The following FAM107A variants were observed in gnomAD, a reference collection of about 807,000 sequenced individuals.
FAM107A encodes family with sequence similarity 107 member A, also known as actin-associated protein FAM107A.
A neutral mutation model predicts 13.7 loss-of-function variants in FAM107A; 19 were observed. The observed-to-expected ratio is 1.38, with a 90% CI of 0.97 to 2.03. FAM107A has a LOEUF of 2.03. Ranked by LOEUF, FAM107A falls within the 30% of genes most tolerant of loss-of-function variation. The pLI is 0.00. For synonymous variants in FAM107A, 82 were observed against 74.5 expected (o/e 1.10, Z -0.52); for missense variants, 203 against 184.4 (o/e 1.10, Z -0.58).
At chr3:58,578,206 G>A (rs1276126513), upstream of FAM107A, among the ~76,000 whole-genome samples, 1 of 152,208 alleles carries the variant, frequency 6.6e-6, no homozygotes, top group African/African-American at 2.4e-5. Flanking sequence ...AGCCCAGCAT[G>A]GTGCATTTTG....
upstream of FAM107A, among the ~76,000 whole-genome samples, chr3:58,582,302 C>T (rs116215494): frequency 4.9e-3 from 746 of 152,242 alleles, 2 homozygotes; most frequent in Non-Finnish European, 9.2e-3. Context: ...ATCTGGCAGC[C>T]CTACCTGGCA....
At chr3:58,611,173 C>A (rs967046546) in intron 1 of FAM107A, among the ~76,000 whole-genome samples, 8 of 152,342 alleles carry the variant, frequency 5.3e-5, no homozygotes, top group Non-Finnish European at 1.0e-4. Context: ...AACTGTGAGT[C>A]AATTAAACCT....
intron 2 of FAM107A, among the ~76,000 whole-genome samples, chr3:58,568,201 G>A (rs1231047019): frequency 3.3e-5 from 5 of 152,086 alleles, no homozygotes; most frequent in African/African-American, 4.8e-5. Context: ...TTGGGAGGCC[G>A]AGGAGGGCGG....
intron 1 of FAM107A, among the ~76,000 whole-genome samples, chr3:58,621,747 C>A (rs983295977): frequency 3.9e-5 from 6 of 152,244 alleles, no homozygotes; most frequent in Non-Finnish European, 8.8e-5. Flanking sequence ...CTCCCTGAGT[C>A]TGGATGCTTT....
In FAM107A at chr3:58,566,601, T is replaced by A; in HGVS notation, c.422A>T (p.Glu141Val). Reference sequence around the variant, plus strand: ...CGGCAGCTGGCCCTACAGCTCTCTCTCTTCGCTGGTCAGTGTGGCAATTCT... The same window carrying A: ...CGGCAGCTGGCCCTACAGCTCTCTCACTTCGCTGGTCAGTGTGGCAATTCT... ...LRRIATLTSE[E>V]REL The change falls in exon 4 of 4, where the codon GAG becomes GTG. Residue 141 changes from glutamate to valine, a missense_variant. Transcript: ENST00000360997. 6.2e-7 allele frequency: 1 copy of A among 1,613,462 alleles called. No homozygotes were observed. Among genetic ancestry groups the A allele is most frequent in the Non-Finnish European group, 8.5e-7 (1 of 1,179,660 alleles).
intron 1 of FAM107A, among the ~76,000 whole-genome samples, chr3:58,625,262 C>T (rs1041057305): frequency 6.6e-6 from 1 of 152,086 alleles, no homozygotes; most frequent in Non-Finnish European, 1.5e-5. Flanking sequence ...GTGTGCCATC[C>T]CTTGATAACC....
intron 1 of FAM107A, among the ~76,000 whole-genome samples, chr3:58,609,988 A>G (rs778739452): frequency 6.6e-6 from 1 of 152,252 alleles, no homozygotes; most frequent in Non-Finnish European, 1.5e-5. Flanking sequence ...CACATTACTG[A>G]CAAGATGGCC....
intron 1 of FAM107A, among the ~76,000 whole-genome samples, chr3:58,626,358 C>A (rs1160127512): frequency 6.6e-6 from 1 of 152,178 alleles, no homozygotes; most frequent in East Asian, 1.9e-4. Flanking sequence ...TGTCTACAAA[C>A]CCCCAGCTGA....
At chr3:58,616,526 A>AAC (rs59230021) in intron 1 of FAM107A, among the ~76,000 whole-genome samples, 20,614 of 137,554 alleles carry the variant, frequency 0.15, 1,500 homozygotes, top group Middle Eastern at 0.19. Context: ...ATAAGAGGAG[A>AAC]ACACACACAC....
rs113706642 is a variant in FAM107A at position 58,613,830 on chromosome 3, C to T, written c.-70+13586G>A. Among the ~76,000 whole-genome samples, 571 of 152,306 alleles carry T rather than the reference C, an allele frequency of 3.7e-3. 3 individuals are homozygous for T. The highest frequency in any genetic ancestry group is 0.013 in the African/African-American group (546 of 41,570). The stretch of plus-strand genomic sequence containing the variant: ...AGACTGATGGGCAGGAGGCAGAAGG[C>T]GGAAGTCCAGCCCTTACGGCCTGTC... On this transcript the variant is annotated intron_variant, in intron 1 of 3. Transcript: ENST00000465970. The surrounding 1 kb of genome is among the most constrained non-coding windows in gnomAD (Gnocchi z 4.6).
intron 1 of FAM107A, among the ~76,000 whole-genome samples, chr3:58,596,189 C>T (rs1251850662): frequency 1.3e-5 from 2 of 152,166 alleles, no homozygotes; most frequent in African/African-American, 2.4e-5. Context: ...GCATTGGTCA[C>T]TGGTGGCCTC....
upstream of FAM107A, among the ~76,000 whole-genome samples, chr3:58,579,316 G>A (rs1453110202): frequency 2.0e-5 from 3 of 152,156 alleles, no homozygotes; most frequent in Admixed American, 2.0e-4. Flanking sequence ...GGGCAGGCAT[G>A]TCCAGGGAGT....
chr3:58,597,494 C>T (rs1047770374), intron 1 of FAM107A, among the ~76,000 whole-genome samples: 2 of 152,182 alleles, frequency 1.3e-5, no homozygotes, highest in African/African-American at 4.8e-5. Context: ...GGAGGTATGT[C>T]TCTAGACGTC....
chr3:58,566,753 A>C (rs958597685), intron 3 of FAM107A, 58 bp from the exon 4 acceptor site: 1 of 1,408,658 alleles, frequency 7.1e-7, no homozygotes, highest in African/African-American at 1.4e-5. Context: ...TCCTACTCTG[A>C]AAACCTGTGG....
chr3:58,615,631 T>C (rs777209517), intron 1 of FAM107A, among the ~76,000 whole-genome samples: 2 of 152,020 alleles, frequency 1.3e-5, no homozygotes, highest in African/African-American at 2.4e-5. Flanking sequence ...CGCAGTGCCT[T>C]ATGCCTGTAA....
intron 1 of FAM107A, among the ~76,000 whole-genome samples, chr3:58,593,428 TGTTTACACTGCCG>T (rs1229520811): frequency 6.6e-6 from 1 of 152,190 alleles, no homozygotes; most frequent in Non-Finnish European, 1.5e-5. Flanking sequence ...GCCCTGCCCT[TGTTTACACTGCCG>T]GTTTACACTT....
At chr3:58,586,881 T>C (rs1228917951) in exon 1 of FAM107A, 2 of 1,533,114 alleles carry the variant, frequency 1.3e-6, no homozygotes, top group African/African-American at 2.8e-5. Flanking sequence ...CACAGCCCGG[T>C]AGAGCCCGGT....
In FAM107A at chr3:58,569,343, C is replaced by T. The variant is rs149669730; in HGVS notation, c.170+348G>A. Reference sequence around the variant, plus strand: ...CCATCCTACTGCCTGGCTATGCACCCGTCCCTGTCTGTGAGGACAGGAACT... The same window carrying T: ...CCATCCTACTGCCTGGCTATGCACCTGTCCCTGTCTGTGAGGACAGGAACT... On this transcript the variant is annotated intron_variant, in intron 2 of 3. Transcript: ENST00000360997. This position sits in a 1 kb window ranked among gnomAD's most constrained non-coding sequence, Gnocchi z 5.7. Among the ~76,000 whole-genome samples the T allele has an allele frequency of 7.2e-5, 11 of 152,304 alleles. No individual in the cohort carries two copies. Among genetic ancestry groups the T allele is most frequent in the East Asian group, 3.9e-4 (2 of 5,180 alleles).
At chr3:58,567,020 G>T (rs1315331621) in intron 3 of FAM107A, 188 bp downstream of exon 3, 1 of 672,054 alleles carries the variant, frequency 1.5e-6, no homozygotes, top group Non-Finnish European at 2.6e-6. Flanking sequence ...GAGGTTCAGG[G>T]AAGCCACTCG....
Sources: gnomAD v4.1 joint callset for allele counts (sites outside exome capture counted in the v4.1 genomes callset) on GRCh38, gnomAD v4.1.1 for gene constraint, Gnocchi (gnomAD v3.1) non-coding constraint, MANE v1.5 for transcripts, NCBI Gene and HGNC (gene_info 2026-07-23, HGNC 2026-07-21) for gene names.